TBC1D32: variants seen among roughly 807,000 people sequenced by gnomAD.
TBC1D32 encodes protein broad-minded.
A neutral mutation model predicts 170.3 loss-of-function variants in TBC1D32; 151 were observed. That is an observed-to-expected ratio of 0.89 (90% CI 0.78 to 1.01). TBC1D32 has a LOEUF of 1.01. Ranked by LOEUF, TBC1D32 falls within the 50% of genes least tolerant of loss-of-function variation. The pLI is 0.00. For missense variants in TBC1D32, 1,464 were observed against 1,457.1 expected (o/e 1.00, Z -0.08); for synonymous variants, 498 against 488.0 (o/e 1.02, Z -0.27).
chr6:121,288,058 C>T (rs1279578318), intron 12 of TBC1D32, among the ~76,000 whole-genome samples: 3 of 152,204 alleles, frequency 2.0e-5, no homozygotes, highest in Admixed American at 2.0e-4. Flanking sequence ...CAGGAAAGAT[C>T]TAAAATTGAC....
intron 28 of TBC1D32, 61 bp from the exon 29 acceptor site, chr6:121,112,720 T>C: frequency 1.5e-6 from 2 of 1,302,404 alleles, no homozygotes; most frequent in Non-Finnish European, 2.0e-6. Context: ...TAAAATTCTG[T>C]AAATAAAATA....
intron 15 of TBC1D32, among the ~76,000 whole-genome samples, chr6:121,257,790 C>T (rs1158998549): frequency 6.9e-6 from 1 of 144,816 alleles, no homozygotes; most frequent in Non-Finnish European, 1.5e-5. Flanking sequence ...TCAAATTGTC[C>T]ATCTTAAGCC....
At chr6:121,081,985 T>G (rs933273997) in intron 31 of TBC1D32, among the ~76,000 whole-genome samples, 1 of 152,086 alleles carries the variant, frequency 6.6e-6, no homozygotes, top group Admixed American at 6.5e-5. Flanking sequence ...TGAAATGGTG[T>G]TGTTATATAC....
At chr6:121,116,781 A>C (rs1779725956) in intron 26 of TBC1D32, among the ~76,000 whole-genome samples, 1 of 152,222 alleles carries the variant, frequency 6.6e-6, no homozygotes, top group South Asian at 2.1e-4. Flanking sequence ...CCTGTGAAAG[A>C]AAAGAGTTCT....
rs1271719616 is a variant in TBC1D32 at position 121,112,559 on chromosome 6, T to C, written c.3270A>G (p.Gln1090=). Residue 1090 remains glutamine, a synonymous_variant, in exon 29 of 32, where the codon CAA becomes CAG. Coordinates refer to ENST00000398212, the MANE Select transcript of TBC1D32 (RefSeq NM_152730.6). The part of the protein sequence containing the change: ...DKEKTFQFLH[Q]FSRLLTSAFL... Reference sequence around the variant, plus strand: ...AAGCAGAAGTCAGAAGCCTGGAGAATTGATGAAGAAATTGGAATGTTTTTT... The same window carrying C: ...AAGCAGAAGTCAGAAGCCTGGAGAACTGATGAAGAAATTGGAATGTTTTTT... 2.5e-6 allele frequency: 4 copies of C among 1,611,218 alleles called. No homozygotes were observed. Among genetic ancestry groups the C allele is most frequent in the Admixed American group, 3.3e-5 (2 of 59,858 alleles).
intron 22 of TBC1D32, among the ~76,000 whole-genome samples, chr6:121,171,886 T>C (rs539973886): frequency 7.2e-5 from 11 of 152,008 alleles, no homozygotes; most frequent in East Asian, 5.8e-4. Flanking sequence ...TTTGAGGAAA[T>C]AGGCGATCCA....
chr6:121,173,487 A>G (rs374229281), intron 22 of TBC1D32, among the ~76,000 whole-genome samples: 18 of 152,292 alleles, frequency 1.2e-4, no homozygotes, highest in Admixed American at 7.2e-4. Context: ...GAAAAACAAA[A>G]TAAAATTCCC....
intron 17 of TBC1D32, among the ~76,000 whole-genome samples, chr6:121,253,050 A>G (rs572001511): frequency 3.9e-5 from 6 of 152,280 alleles, no homozygotes; most frequent in Admixed American, 6.5e-5. Context: ...GCTTAGGCAA[A>G]GAATTCATGA....
intron 30 of TBC1D32, among the ~76,000 whole-genome samples, chr6:121,092,116 T>G (rs1776864078): frequency 6.6e-6 from 1 of 152,118 alleles, no homozygotes. Flanking sequence ...TCCAGAACTG[T>G]GAGAAAATAA....
chr6:121,249,111 G>T (rs1583393387), intron 17 of TBC1D32, among the ~76,000 whole-genome samples: 1 of 151,742 alleles, frequency 6.6e-6, no homozygotes, highest in Non-Finnish European at 1.5e-5. Context: ...CCATGATCAA[G>T]ATAGGTAATA....
At chr6:121,330,676 C>G (rs1176768744) in intron 1 of TBC1D32, among the ~76,000 whole-genome samples, 1 of 152,178 alleles carries the variant, frequency 6.6e-6, no homozygotes, top group East Asian at 1.9e-4. Flanking sequence ...CAGGGCCCAG[C>G]CTCTACCACT....
chr6:121,202,334 T>C (rs1791690018), intron 22 of TBC1D32, among the ~76,000 whole-genome samples: 1 of 140,254 alleles, frequency 7.1e-6, no homozygotes, highest in Non-Finnish European at 1.5e-5. Flanking sequence ...GAGTGTGTGA[T>C]ACACAGAAAT....
chr6:121,279,390 T>C (rs1343332064), intron 14 of TBC1D32, 145 bp from the exon 15 acceptor site: 7 of 961,702 alleles, frequency 7.3e-6, no homozygotes, highest in Non-Finnish European at 1.1e-5. Context: ...GGCTGTGAAA[T>C]AATATGTCTG....
intron 22 of TBC1D32, among the ~76,000 whole-genome samples, chr6:121,196,901 C>T (rs1388012509): frequency 6.6e-6 from 1 of 152,144 alleles, no homozygotes; most frequent in Non-Finnish European, 1.5e-5. Context: ...CACCACTCAC[C>T]ATCACCCCTA....
At chr6:121,133,916 A>G (rs1338794789) in intron 24 of TBC1D32, among the ~76,000 whole-genome samples, 1 of 152,084 alleles carries the variant, frequency 6.6e-6, no homozygotes, top group Non-Finnish European at 1.5e-5. Flanking sequence ...ATTCTTTTTA[A>G]TAAAAACACT....
At position 121,334,442 on chromosome 6, in the gene TBC1D32, C is replaced by G. The variant is rs372915126; in HGVS notation, c.-12G>C. The G allele has an allele frequency of 7.4e-6, 12 of 1,610,818 alleles. No individual in the cohort carries two copies. Among genetic ancestry groups the G allele is most frequent in the Non-Finnish European group, 1.0e-5 (12 of 1,178,262 alleles). ...GAGAAATGGGCCATCCTGTTGGAATCAAACGTCCACTCTCATTACTCCAGG... is the reference window on the plus strand; with the variant it reads ...GAGAAATGGGCCATCCTGTTGGAATGAAACGTCCACTCTCATTACTCCAGG... On this transcript the variant is annotated 5_prime_UTR_variant, in exon 1 of 32. The change abolishes the stop of an existing upstream ORF in the 5' untranslated region. Coordinates refer to ENST00000398212, the MANE Select transcript of TBC1D32 (RefSeq NM_152730.6).
In TBC1D32 at chr6:121,332,992, T is replaced by C. The variant is rs571793757; in HGVS notation, c.155+1284A>G. Among the ~76,000 whole-genome samples, 30 of 152,284 alleles carry C rather than the reference T, an allele frequency of 2.0e-4. 2 individuals carry two copies. The South Asian group carries it at 5.6e-3, about 28-fold the overall frequency. On this transcript the variant is annotated intron_variant, in intron 1 of 31. Transcript: ENST00000398212. ...ACTTTTTAAAACTCAATTGAGAAGG[T>C]AGTGAAAACTGTAAATACTCCCCCT... is the stretch of plus-strand genomic sequence containing the variant.
chr6:121,202,613 A>G (rs758659600), intron 22 of TBC1D32, among the ~76,000 whole-genome samples: 1 of 151,304 alleles, frequency 6.6e-6, no homozygotes, highest in Non-Finnish European at 1.5e-5. Context: ...GCAAGGAGAC[A>G]CAAGGTCAAG....
chr6:121,331,847 C>G (rs1383862353), intron 1 of TBC1D32, among the ~76,000 whole-genome samples: 3 of 152,138 alleles, frequency 2.0e-5, no homozygotes, highest in Non-Finnish European at 4.4e-5. Context: ...TTCCCTCCTC[C>G]TAAGACACAG....
Sources: allele counts gnomAD v4.1 joint callset (sites outside exome capture counted in the v4.1 genomes callset), GRCh38; gene constraint gnomAD v4.1.1; transcripts MANE v1.5; gene names NCBI Gene and HGNC (gene_info 2026-07-23, HGNC 2026-07-21).